IQGAP1: variants seen among roughly 807,000 people sequenced by gnomAD.
The protein encoded by IQGAP1 is IQ motif containing GTPase activating protein 1, also known as ras GTPase-activating-like protein IQGAP1.
In IQGAP1, 66 loss-of-function variants were observed where a neutral mutation model predicts 215.6. That is an observed-to-expected ratio of 0.31 (90% confidence interval 0.25 to 0.38). IQGAP1 has a LOEUF of 0.38. Ranked by LOEUF, IQGAP1 falls within the 10% of genes least tolerant of loss-of-function variation. IQGAP1 has a pLI of 1.00. For missense variants in IQGAP1, 1,712 were observed against 1,997.1 expected, an observed-to-expected ratio of 0.86 and a Z score of 2.72; for synonymous variants, 772 against 728.7, an observed-to-expected ratio of 1.06 and a Z score of -0.96.
chr15:90,425,701 G>C (rs1162630229), intron 2 of IQGAP1, among the ~76,000 whole-genome samples: 1 of 152,156 alleles, frequency 6.6e-6, no homozygotes, highest in Admixed American at 6.5e-5. Context: ...TCTGCAACTG[G>C]AAGAGAATGT....
chr15:90,469,490 G>T (rs1965876410), intron 18 of IQGAP1, among the ~76,000 whole-genome samples: 1 of 152,176 alleles, frequency 6.6e-6, no homozygotes, highest in Non-Finnish European at 1.5e-5. Flanking sequence ...CATTGCTAAT[G>T]ATTTCACAGG....
chr15:90,423,639 A>G (rs1383247737), intron 2 of IQGAP1, among the ~76,000 whole-genome samples: 1 of 152,220 alleles, frequency 6.6e-6, no homozygotes, highest in African/African-American at 2.4e-5. Context: ...AGGCAGCTTC[A>G]GGTTTGAGCA....
At chr15:90,465,304 T>C (rs12912995) in intron 15 of IQGAP1, among the ~76,000 whole-genome samples, 31,649 of 152,092 alleles carry the variant, frequency 0.21, 3,970 homozygotes, top group East Asian at 0.48. Context: ...CCTCTGAACA[T>C]TGTTGGCAAA....
chr15:90,481,409 G>T (rs1239705872), intron 26 of IQGAP1, among the ~76,000 whole-genome samples: 1 of 151,242 alleles, frequency 6.6e-6, no homozygotes, highest in Non-Finnish European at 1.5e-5. Context: ...ACCTCCTTCT[G>T]GTTTCTAACA....
Position 90,474,405 on chromosome 15 carries a change from A to G in IQGAP1, c.2576-80A>G, listed in dbSNP as rs563496216. On this transcript the variant is annotated intron_variant, in intron 22 of 37. Transcript: ENST00000268182. ...AAAATTAAATGTTTATGAATAGACT[A>G]CTTTTTCAAGACAATGCTATTTCCT... is the stretch of plus-strand genomic sequence containing the variant. 49 of 1,118,056 alleles carry G rather than the reference A, an allele frequency of 4.4e-5. 1 individual carries two copies. The South Asian group carries it at 4.5e-4, about 10-fold the overall frequency. 69.3% of individuals were successfully genotyped at this position (1,118,056 alleles called of 1,614,324 possible). A position where few individuals can be genotyped will look rare whatever the true frequency, so the allele number is the denominator to read the frequency against.
intron 18 of IQGAP1, among the ~76,000 whole-genome samples, chr15:90,470,777 A>G (rs1965894054): frequency 6.6e-6 from 1 of 152,114 alleles, no homozygotes. Flanking sequence ...TAATTGCCAA[A>G]TTCAATTCTG....
chr15:90,466,849 T>A (rs547339977), intron 17 of IQGAP1, among the ~76,000 whole-genome samples: 1 of 152,200 alleles, frequency 6.6e-6, no homozygotes, highest in Non-Finnish European at 1.5e-5. Context: ...CCCAGCACTT[T>A]GGGAGGCTGA....
chr15:90,398,569 A>T (rs1205030035), intron 2 of IQGAP1, among the ~76,000 whole-genome samples: 3 of 152,208 alleles, frequency 2.0e-5, no homozygotes, highest in Non-Finnish European at 2.9e-5. Context: ...TTATATCCCA[A>T]TATTGTAAGT....
rs1176331763 is a variant in IQGAP1, at chr15:90,466,186, G to C, written c.1868-83G>C. ...CAAGATAGGTATGGGGGAACAATTTGCCAGTAGATATAGTTAGGTGAAGCA... is the reference window on the plus strand; with the variant it reads ...CAAGATAGGTATGGGGGAACAATTTCCCAGTAGATATAGTTAGGTGAAGCA... On this transcript the variant is annotated intron_variant, in intron 16 of 37. Coordinates refer to ENST00000268182, the MANE Select transcript of IQGAP1 (RefSeq NM_003870.4). 5.7e-6 allele frequency: 9 copies of C among 1,573,864 alleles called. No individual in the cohort carries two copies. The East Asian group carries it at 2.0e-4, about 35-fold the overall frequency.
chr15:90,409,696 T>C (rs975117394), intron 2 of IQGAP1, among the ~76,000 whole-genome samples: 1 of 152,202 alleles, frequency 6.6e-6, no homozygotes, highest in Non-Finnish European at 1.5e-5. Flanking sequence ...TTCCTTAACT[T>C]AACTCATTTG....
chr15:90,409,036 T>C (rs1596252397), intron 2 of IQGAP1, among the ~76,000 whole-genome samples: 1 of 152,142 alleles, frequency 6.6e-6, no homozygotes, highest in Non-Finnish European at 1.5e-5. Flanking sequence ...CTATGTGTGA[T>C]CTAGATCCTA....
chr15:90,390,442 G>A (rs1014887999), intron 1 of IQGAP1, among the ~76,000 whole-genome samples: 18 of 152,208 alleles, frequency 1.2e-4, no homozygotes, highest in African/African-American at 4.3e-4. Context: ...TAATAAAAGA[G>A]GGAAACAATA....
intron 11 of IQGAP1, among the ~76,000 whole-genome samples, chr15:90,451,571 A>G (rs1457348160): frequency 6.6e-6 from 1 of 152,068 alleles, no homozygotes; most frequent in Non-Finnish European, 1.5e-5. Context: ...TGACCCACAC[A>G]GCTCCTACTA....
chr15:90,481,080 C>T (rs1291606739), intron 26 of IQGAP1, among the ~76,000 whole-genome samples: 2 of 152,138 alleles, frequency 1.3e-5, no homozygotes, highest in African/African-American at 2.4e-5. Context: ...AAACCATTAT[C>T]ATGAAGTCGA....
At chr15:90,406,187 A>T (rs1964875373) in intron 2 of IQGAP1, among the ~76,000 whole-genome samples, 1 of 152,258 alleles carries the variant, frequency 6.6e-6, no homozygotes, top group African/African-American at 2.4e-5. Flanking sequence ...ACATTGTCAG[A>T]TGCATAACTT....
At chr15:90,456,034 C>G in intron 14 of IQGAP1, 118 bp from the exon 15 acceptor site, 1 of 750,448 alleles carries the variant, frequency 1.3e-6, no homozygotes, top group South Asian at 2.1e-5. Flanking sequence ...TGGTAAGTTG[C>G]AGTTTGAATC....
At chr15:90,462,602 TAA>T (rs553190196) in intron 15 of IQGAP1, among the ~76,000 whole-genome samples, 305 of 152,342 alleles carry the variant, frequency 2.0e-3, no homozygotes, top group Non-Finnish European at 3.6e-3. Context: ...AAAGTCTTTT[TAA>T]AAAGTTTTGA....
chr15:90,492,477 C>G, intron 34 of IQGAP1, 68 bp from the exon 35 acceptor site: 39 of 913,218 alleles, frequency 4.3e-5, no homozygotes, highest in Non-Finnish European at 5.3e-5. Context: ...TTAAGCATTG[C>G]TGGGTTGTAG....
At chr15:90,392,140 C>T (rs941807675) in intron 2 of IQGAP1, among the ~76,000 whole-genome samples, 9 of 152,182 alleles carry the variant, frequency 5.9e-5, no homozygotes, top group Non-Finnish European at 1.2e-4. Context: ...TCCCATTCTT[C>T]CTTCTCCTGG....
Sources: gnomAD v4.1 joint callset for allele counts (sites outside exome capture counted in the v4.1 genomes callset) on GRCh38, gnomAD v4.1.1 for gene constraint, MANE v1.5 for transcripts, NCBI Gene and HGNC (gene_info 2026-07-23, HGNC 2026-07-21) for gene names.